WHAMM: variants seen among roughly 807,000 people sequenced by gnomAD.
WHAMM encodes the protein WASP homolog associated with actin, golgi membranes and microtubules, also known as WASP homolog-associated protein with actin, membranes and microtubules.
In WHAMM, 67 loss-of-function variants were observed where a neutral mutation model predicts 76.5. The ratio of observed to expected loss-of-function variants is 0.88; its 90% CI spans 0.72 to 1.07. The LOEUF (loss-of-function observed/expected upper bound fraction) is 1.07, where lower values mean the gene tolerates loss of function less well. Ranked by LOEUF, WHAMM falls within the 50% of genes least tolerant of loss-of-function variation. The pLI is 0.00. For synonymous variants in WHAMM, 419 were observed against 422.1 expected, an observed-to-expected ratio of 0.99 and a Z score of 0.09; for missense variants, 1,021 against 1,051.1, an observed-to-expected ratio of 0.97 and a Z score of 0.40.
chr15:82,821,079 G>A (rs1002909716), intron 5 of WHAMM, among the ~76,000 whole-genome samples: 14 of 151,864 alleles, frequency 9.2e-5, no homozygotes, highest in African/African-American at 2.7e-4. Flanking sequence ...GTATGTTTAC[G>A]AGCCATTTGT....
chr15:82,830,175 A>G (rs1414206505), intron 8 of WHAMM, among the ~76,000 whole-genome samples: 1 of 147,640 alleles, frequency 6.8e-6, no homozygotes, highest in East Asian at 1.9e-4. Context: ...CAGGCGTTGT[A>G]CTATTTATCA....
intron 5 of WHAMM, among the ~76,000 whole-genome samples, chr15:82,820,678 T>G (rs1468012989): frequency 2.0e-5 from 3 of 152,092 alleles, no homozygotes; most frequent in African/African-American, 7.2e-5. Context: ...GCAGATCACT[T>G]GAGGTCAGGA....
chr15:82,809,772 C>G lies in WHAMM; in HGVS notation c.46C>G (p.Arg16Gly), dbSNP rs1441051699. The G allele has an allele frequency of 6.3e-7, 1 of 1,591,858 alleles. No homozygotes were observed. Among genetic ancestry groups the G allele is most frequent in the East Asian group, 2.3e-5 (1 of 44,278 alleles). ...PDSLEGWVPV[R>G]EGLFAEPERH... ...CAGCCTGGAGGGCTGGGTGCCGGTC[C>G]GGGAGGGCCTCTTCGCCGAGCCCGA... is the stretch of plus-strand genomic sequence containing the variant. The change falls in exon 1 of 10, where the codon CGG becomes GGG. Residue 16 changes from arginine to glycine, a missense_variant. Physicochemically the swap from Arg to Gly is moderately radical, Grantham distance 125. Around this residue, in one of 3 missense-constraint regions of WHAMM, gnomAD observed 501 missense variants for 524.9 expected, o/e 0.95. Coordinates refer to ENST00000286760, the MANE Select transcript of WHAMM (RefSeq NM_001080435.3).
chr15:82,831,146 G>A, intron 9 of WHAMM, 67 bp downstream of exon 9: 1 of 1,537,542 alleles, frequency 6.5e-7, no homozygotes, highest in South Asian at 1.2e-5. Context: ...TCTAGCTTCA[G>A]AAGCCATCAT....
rs972580381 is a variant in WHAMM, at chr15:82,834,104, C to G, written c.*568C>G. The G allele has an allele frequency of 2.0e-5, 3 of 152,654 alleles. No individual in the cohort carries two copies. Among genetic ancestry groups the G allele is most frequent in the African/African-American group, 7.3e-5 (3 of 41,280 alleles). 9.5% of individuals were successfully genotyped at this position (152,654 alleles called of 1,614,324 possible). A position where few individuals can be genotyped will look rare whatever the true frequency, so the allele number is the denominator to read the frequency against. On this transcript the variant is annotated 3_prime_UTR_variant, in exon 10 of 10. Transcript: ENST00000286760. ...CCAGGCTAGAGTGCAGTGGCACGAT[C>G]TTGGCTTACTGCAACCTCCACCTCC...
chr15:82,810,289 G>C lies in WHAMM; in HGVS notation c.563G>C (p.Arg188Pro), dbSNP rs1045917262. ...DCESPREFRERALRARWVEAD... is the reference protein window; with the variant it reads ...DCESPREFREPALRARWVEAD... ...GAAAGCCCGCGCGAGTTCCGGGAGC[G>C]GGCCTTGCGCGCGCGGTGGGTCGAG... is the stretch of plus-strand genomic sequence containing the variant. The change falls in exon 1 of 10, where the codon CGG becomes CCG. Residue 188 changes from arginine (R) to proline (P), a missense_variant. This residue lies in a region of WHAMM where 501 missense variants were observed against 524.9 expected (regional missense o/e 0.95). Coordinates refer to ENST00000286760, the MANE Select transcript of WHAMM (RefSeq NM_001080435.3). The C allele has an allele frequency of 1.5e-6, 2 of 1,349,992 alleles. No individual in the cohort carries two copies. The highest frequency in any genetic ancestry group is 1.9e-6 in the Non-Finnish European group (2 of 1,056,874). The allele number at this position is 1,349,992 out of a possible 1,614,324, so 83.6% of individuals were successfully genotyped here.
intron 2 of WHAMM, among the ~76,000 whole-genome samples, chr15:82,814,765 T>TC (rs1218085970): frequency 7.4e-6 from 1 of 135,418 alleles, no homozygotes; most frequent in African/African-American, 2.9e-5. Flanking sequence ...ATTTTTCCTT[T>TC]CTTTTTTTTT....
chr15:82,817,374 G>A (rs563023859), intron 3 of WHAMM, among the ~76,000 whole-genome samples: 2 of 152,200 alleles, frequency 1.3e-5, no homozygotes, highest in African/African-American at 4.8e-5. Flanking sequence ...CCATGCAGGG[G>A]CTTGTGGGCT....
At position 82,831,065 on chromosome 15, in the gene WHAMM, GT is replaced by G. The variant is rs1566999461; in HGVS notation, c.2113del (p.Ser705HisfsTer13). 6.2e-7 allele frequency: 1 copy of G among 1,606,570 alleles called. No homozygotes were observed. Among genetic ancestry groups the G allele is most frequent in the South Asian group, 1.1e-5 (1 of 91,074 alleles). ...GAGCGACCACGTGACTCCTTGGAAA[GT>G]TTTTCATGTCCAGGTAATCCACTGG... ...PAERPRDSLESFSCPGSMDEV... is the reference protein window; with the variant it reads ...PAERPRDSLEXFSCPGSMDEV... On this transcript the variant is annotated frameshift_variant, in exon 9 of 10. Transcript: ENST00000286760. LOFTEE classifies it low-confidence loss of function (END_TRUNC).
chr15:82,822,793 G>A (rs1398922494), intron 5 of WHAMM, among the ~76,000 whole-genome samples: 1 of 151,342 alleles, frequency 6.6e-6, no homozygotes, highest in Admixed American at 6.6e-5. Context: ...ATTGATATGT[G>A]TAGCTATGTA....
chr15:82,823,519 C>G (rs1291533101), intron 6 of WHAMM, among the ~76,000 whole-genome samples: 1 of 152,014 alleles, frequency 6.6e-6, no homozygotes, highest in Non-Finnish European at 1.5e-5. Context: ...TTTATTCATT[C>G]AACAACTATT....
chr15:82,830,489 T>C, intron 8 of WHAMM, 110 bp from the exon 9 acceptor site: 1 of 1,483,836 alleles, frequency 6.7e-7, no homozygotes, highest in South Asian at 1.4e-5. Flanking sequence ...ACTTTGTGAA[T>C]TAGACCATCC....
rs576055402 is a variant in WHAMM at position 82,815,012 on chromosome 15, C to T, written c.784-1680C>T. Among the ~76,000 whole-genome samples the T allele has an allele frequency of 2.2e-4, 32 of 147,598 alleles. 1 individual carries two copies. The South Asian group carries it at 2.8e-3, about 13-fold the overall frequency. On this transcript the variant is annotated intron_variant, in intron 2 of 9. Coordinates refer to ENST00000286760, the MANE Select transcript of WHAMM (RefSeq NM_001080435.3). ...GTCTTGATCTCCTGACCTCGTGATC[C>T]GCCCGTCTCGGCCTCCCAGAGTGCT...
intron 1 of WHAMM, 25 bp downstream of exon 1, chr15:82,810,360 T>A: frequency 7.7e-7 from 1 of 1,297,244 alleles, no homozygotes; most frequent in Non-Finnish European, 9.7e-7. Flanking sequence ...GTCGCCGGCG[T>A]TCGTCCGCGC....
intron 1 of WHAMM, among the ~76,000 whole-genome samples, chr15:82,811,367 A>G (rs1369363366): frequency 6.6e-6 from 1 of 152,182 alleles, no homozygotes; most frequent in African/African-American, 2.4e-5. Flanking sequence ...TTCAAAAATG[A>G]TATCATTTTG....
At chr15:82,812,230 T>G (rs2050640077) in intron 1 of WHAMM, among the ~76,000 whole-genome samples, 1 of 152,226 alleles carries the variant, frequency 6.6e-6, no homozygotes, top group Non-Finnish European at 1.5e-5. Flanking sequence ...TGAGGTCTTT[T>G]TTTAAAATTT....
chr15:82,812,670 T>A (rs979764976), intron 1 of WHAMM, among the ~76,000 whole-genome samples: 13 of 152,208 alleles, frequency 8.5e-5, no homozygotes, highest in African/African-American at 2.7e-4. Flanking sequence ...AACTTTGCAC[T>A]CTGCCTCTCC....
chr15:82,809,674 G>T lies in WHAMM; in HGVS notation c.-53G>T. ...CGGACTGTCCCGTGACAGGCGGTGCGAGGAGGCCAGGCCCGCGCCCGCCGA... is the reference window on the plus strand; with the variant it reads ...CGGACTGTCCCGTGACAGGCGGTGCTAGGAGGCCAGGCCCGCGCCCGCCGA... On this transcript the variant is annotated 5_prime_UTR_variant, in exon 1 of 10. The change creates a premature stop within an existing upstream ORF in the 5' untranslated region. Coordinates refer to ENST00000286760, the MANE Select transcript of WHAMM (RefSeq NM_001080435.3). The T allele has an allele frequency of 1.5e-6, 2 of 1,306,814 alleles. No individual in the cohort carries two copies. Among genetic ancestry groups the T allele is most frequent in the Non-Finnish European group, 2.0e-6 (2 of 1,012,848 alleles). 81.0% of individuals were successfully genotyped at this position (1,306,814 alleles called of 1,614,324 possible). A position where few individuals can be genotyped will look rare whatever the true frequency, so the allele number is the denominator to read the frequency against.
intron 4 of WHAMM, among the ~76,000 whole-genome samples, chr15:82,818,804 C>G (rs757631625): frequency 2.0e-5 from 3 of 152,226 alleles, no homozygotes; most frequent in Non-Finnish European, 2.9e-5. Flanking sequence ...AGTCCAAGAT[C>G]AAGGTGCCTG....
Sources: allele counts gnomAD v4.1 joint callset (sites outside exome capture counted in the v4.1 genomes callset), GRCh38; gene constraint gnomAD v4.1.1; regional missense constraint gnomAD v4.1.1; transcripts MANE v1.5; gene names NCBI Gene and HGNC (gene_info 2026-07-23, HGNC 2026-07-21).